The following RUFY3 variants were observed in gnomAD, a reference collection of about 807,000 sequenced individuals.
RUFY3 encodes the protein RUN and FYVE domain containing 3, also known as protein RUFY3.
A neutral mutation model predicts 84.0 loss-of-function variants in RUFY3; 34 were observed. The observed-to-expected ratio is 0.40, with a 90% CI of 0.31 to 0.54. RUFY3 has a LOEUF of 0.54. Among genes scored for constraint, RUFY3 ranks in the 20% least tolerant of loss-of-function variants. The probability of loss-of-function intolerance (pLI) is 0.39; values close to 1 mark genes in which losing one functional copy is unlikely to be tolerated. For synonymous variants in RUFY3, 242 were observed against 252.9 expected, an observed-to-expected ratio of 0.96 and a Z score of 0.41; for missense variants, 507 against 736.8, an observed-to-expected ratio of 0.69 and a Z score of 3.61.
chr4:70,710,634 T>C (rs28474376), intron 1 of RUFY3, among the ~76,000 whole-genome samples: 33,032 of 151,862 alleles, frequency 0.22, 7,321 homozygotes, highest in African/African-American at 0.56. Context: ...TGCGCCATTG[T>C]ACTCCAGCCT....
At chr4:70,749,723 C>T (rs1045143398) in intron 1 of RUFY3, among the ~76,000 whole-genome samples, 7 of 149,812 alleles carry the variant, frequency 4.7e-5, no homozygotes, top group Non-Finnish European at 1.0e-4. Context: ...TGGCACAGCT[C>T]ACTGTAGCTT....
chr4:70,773,120 C>G (rs775309262), intron 5 of RUFY3, among the ~76,000 whole-genome samples: 4 of 152,118 alleles, frequency 2.6e-5, no homozygotes, highest in Admixed American at 6.5e-5. Context: ...TATTACTTCC[C>G]CTTTTTTTTA....
chr4:70,706,772 G>C (rs1237263471), intron 1 of RUFY3, among the ~76,000 whole-genome samples: 1 of 152,234 alleles, frequency 6.6e-6, no homozygotes, highest in Non-Finnish European at 1.5e-5. Context: ...CTAATGTGCA[G>C]ATGGATTGTC....
intron 5 of RUFY3, among the ~76,000 whole-genome samples, chr4:70,770,216 C>T (rs1171269480): frequency 6.6e-6 from 1 of 152,216 alleles, no homozygotes; most frequent in Non-Finnish European, 1.5e-5. Flanking sequence ...CTGGCTTCAA[C>T]TTAGAGTCAC....
intron 9 of RUFY3, among the ~76,000 whole-genome samples, chr4:70,784,229 A>C (rs557193641): frequency 2.0e-5 from 3 of 152,358 alleles, no homozygotes; most frequent in Non-Finnish European, 2.9e-5. Flanking sequence ...CACGCCTGTA[A>C]TCCCAGCACT....
At position 70,797,948 on chromosome 4, in the gene RUFY3, A is replaced by C. The variant is rs145632151; in HGVS notation, c.1558-2193A>C. Among the ~76,000 whole-genome samples, 640 of 152,354 alleles carry C rather than the reference A, an allele frequency of 4.2e-3. 4 individuals carry two copies. The highest frequency in any genetic ancestry group is 8.0e-3 in the Admixed American group (123 of 15,300). ...TAAAAGGCTTACAAAAGTTTACTTA[A>C]AATCTTGGCCTACCTCACCCTATTT... On this transcript the variant is annotated intron_variant, in intron 14 of 17. Coordinates refer to ENST00000381006, the MANE Select transcript of RUFY3 (RefSeq NM_001037442.4).
chr4:70,744,654 A>ATT (rs112584509), intron 1 of RUFY3, among the ~76,000 whole-genome samples: 12 of 128,216 alleles, frequency 9.4e-5, no homozygotes, highest in Non-Finnish European at 1.2e-4. Context: ...CTTATTTTGA[A>ATT]TTTTTTTTTT....
rs1341052045 is a variant in RUFY3, at chr4:70,713,023, T to G, written c.358+7729T>G. ...AATTGTGTGAAAGGAAATTTTTTTT[T>G]GTTTTGTTTGCTTTTTTGAGATGGA... On this transcript the variant is annotated intron_variant, in intron 1 of 11. Transcript: ENST00000417478. Among the ~76,000 whole-genome samples the G allele has an allele frequency of 4.6e-5, 7 of 152,214 alleles. No individual in the cohort carries two copies. In the East Asian group the frequency reaches 1.2e-3, roughly 25 times the overall value.
chr4:70,789,821 G>C (rs895844975), intron 12 of RUFY3: 8 of 1,170,488 alleles, frequency 6.8e-6, no homozygotes, highest in Non-Finnish European at 8.5e-6. Context: ...AAAAAGAAAG[G>C]TCAGCCTTTT....
At chr4:70,761,220 G>A (rs1578120818) in intron 1 of RUFY3, among the ~76,000 whole-genome samples, 3 of 152,158 alleles carry the variant, frequency 2.0e-5, no homozygotes, top group Non-Finnish European at 4.4e-5. Context: ...TAGCTTTCAC[G>A]TCAGATCCAG....
rs182533912 is a variant in RUFY3, at chr4:70,772,763, C to T, written c.697-748C>T. 4.6e-5 allele frequency among the ~76,000 whole-genome samples: 7 copies of T among 152,100 alleles called. No individual in the cohort carries two copies. In the East Asian group the frequency reaches 9.7e-4, roughly 21 times the overall value. ...GCAACCTCCACCTCCTGGATTCAAG[C>T]AATTCTCCTGCCTCAGCCTCCCGAG... On this transcript the variant is annotated intron_variant, in intron 5 of 17. Transcript: ENST00000381006.
At chr4:70,717,828 T>C (rs1470796899), upstream of RUFY3, among the ~76,000 whole-genome samples, 1 of 151,442 alleles carries the variant, frequency 6.6e-6, no homozygotes, top group Non-Finnish European at 1.5e-5. Flanking sequence ...AAAGAGAAGG[T>C]ATCAATCTCT....
At chr4:70,764,686 C>T (rs1000059466) in intron 4 of RUFY3, 110 bp downstream of exon 4, 2 of 627,090 alleles carry the variant, frequency 3.2e-6, no homozygotes, top group Non-Finnish European at 5.5e-6. Flanking sequence ...TGATTCATAA[C>T]AGCTTCACTG....
At chr4:70,705,970 C>A (rs1437622943) in intron 1 of RUFY3, among the ~76,000 whole-genome samples, 1 of 152,140 alleles carries the variant, frequency 6.6e-6, no homozygotes, top group African/African-American at 2.4e-5. Context: ...AGGGTTATAT[C>A]GGTTGTCGGG....
chr4:70,806,838 T>TAATG lies in RUFY3; in HGVS notation c.*181_*184dup, dbSNP rs1199402944. The stretch of plus-strand genomic sequence containing the variant: ...TACTGGAAATTTTGCTCATTTTCTC[T>TAATG]AATGACTGTATGAATAAAAGTGAAC... On this transcript the variant is annotated 3_prime_UTR_variant, in exon 18 of 18. Transcript: ENST00000381006. The TAATG allele has an allele frequency of 4.0e-5, 25 of 626,042 alleles. No homozygotes were observed. In the East Asian group the frequency reaches 7.1e-4, roughly 18 times the overall value. The allele number at this position is 626,042 out of a possible 1,614,324, so 38.8% of individuals were successfully genotyped here. A position where few individuals can be genotyped will look rare whatever the true frequency, so the allele number is the denominator to read the frequency against.
At chr4:70,790,248 C>G (rs1439467926) in intron 12 of RUFY3, among the ~76,000 whole-genome samples, 17 of 152,204 alleles carry the variant, frequency 1.1e-4, no homozygotes, top group Admixed American at 1.1e-3. Context: ...TACTCTCTTT[C>G]TGTGCTTATG....
chr4:70,747,400 T>A (rs1722399145), intron 1 of RUFY3, among the ~76,000 whole-genome samples: 1 of 151,964 alleles, frequency 6.6e-6, no homozygotes, highest in South Asian at 2.1e-4. Context: ...TGTGACCCAC[T>A]AAAGGGTTGT....
chr4:70,717,234 C>G (rs1301881810), upstream of RUFY3, among the ~76,000 whole-genome samples: 1 of 152,250 alleles, frequency 6.6e-6, no homozygotes, highest in East Asian at 1.9e-4. Context: ...CTTCATTTAT[C>G]TTTTTCTATT....
chr4:70,712,416 T>C (rs975992096), intron 1 of RUFY3, among the ~76,000 whole-genome samples: 2 of 152,120 alleles, frequency 1.3e-5, no homozygotes, highest in Non-Finnish European at 2.9e-5. Context: ...AAGAAGCTGG[T>C]TTGAGTGGAG....
Sources: gnomAD v4.1 joint callset for allele counts (sites outside exome capture counted in the v4.1 genomes callset) on GRCh38, gnomAD v4.1.1 for gene constraint, MANE v1.5 for transcripts, NCBI Gene and HGNC (gene_info 2026-07-23, HGNC 2026-07-21) for gene names.